Variants in TMEM132D observed in about 807,000 individuals in gnomAD.
TMEM132D encodes the protein mature OL transmembrane protein.
TMEM132D carries 21 observed loss-of-function variants against 62.3 expected under a neutral mutation model. The ratio of observed to expected loss-of-function variants is 0.34; its 90% CI spans 0.24 to 0.49. The LOEUF (loss-of-function observed/expected upper bound fraction) is 0.49, where lower values mean the gene tolerates loss of function less well. TMEM132D is among the 20% of genes least tolerant of loss of function. The probability of loss-of-function intolerance (pLI) is 0.99; values close to 1 mark genes in which losing one functional copy is unlikely to be tolerated. For synonymous variants in TMEM132D, 621 were observed against 575.6 expected (o/e 1.08, Z -1.13); for missense variants, 1,346 against 1,402.8 (o/e 0.96, Z 0.65).
At chr12:129,164,866 C>T (rs1418770852) in intron 5 of TMEM132D, among the ~76,000 whole-genome samples, 2 of 152,186 alleles carry the variant, frequency 1.3e-5, no homozygotes, top group Non-Finnish European at 2.9e-5. Context: ...CTAAACATAT[C>T]ACCAACCTAT....
intron 3 of TMEM132D, among the ~76,000 whole-genome samples, chr12:129,446,336 T>A (rs999332642): frequency 3.3e-5 from 5 of 152,180 alleles, no homozygotes; most frequent in African/African-American, 1.2e-4. Flanking sequence ...AGAATATTGA[T>A]GTCAGGCTTT....
chr12:129,717,532 T>C (rs1868634833), intron 1 of TMEM132D, among the ~76,000 whole-genome samples: 2 of 149,646 alleles, frequency 1.3e-5, no homozygotes, highest in Non-Finnish European at 3.0e-5. Context: ...AATAAAATCA[T>C]ATTTTGATAA....
intron 4 of TMEM132D, among the ~76,000 whole-genome samples, chr12:129,289,659 T>C (rs1881398976): frequency 6.6e-6 from 1 of 151,440 alleles, no homozygotes; most frequent in Non-Finnish European, 1.5e-5. Flanking sequence ...TTGACTTCAA[T>C]CACAAAAAAA....
intron 5 of TMEM132D, among the ~76,000 whole-genome samples, chr12:129,130,916 G>A (rs554636054): frequency 2.0e-5 from 3 of 152,244 alleles, no homozygotes; most frequent in Admixed American, 2.0e-4. Flanking sequence ...GGATTGTCTG[G>A]GGAGCTTTAA....
At chr12:129,743,031 G>C (rs1490081729) in intron 1 of TMEM132D, among the ~76,000 whole-genome samples, 1 of 152,234 alleles carries the variant, frequency 6.6e-6, no homozygotes, top group African/African-American at 2.4e-5. Context: ...CTCAGGGAAA[G>C]TTTTTAGAAA....
chr12:129,184,007 G>A (rs922759919), intron 5 of TMEM132D, among the ~76,000 whole-genome samples: 1 of 152,148 alleles, frequency 6.6e-6, no homozygotes, highest in African/African-American at 2.4e-5. Flanking sequence ...CTTTCAGAAG[G>A]GGCAAATCTT....
chr12:129,524,393 T>C (rs2137083636), intron 3 of TMEM132D, among the ~76,000 whole-genome samples: 1 of 152,340 alleles, frequency 6.6e-6, no homozygotes, highest in Non-Finnish European at 1.5e-5. Context: ...TACATGCTAC[T>C]ATTCAAGATT....
chr12:129,569,292 C>T (rs1877449359), intron 2 of TMEM132D, among the ~76,000 whole-genome samples: 1 of 152,098 alleles, frequency 6.6e-6, no homozygotes, highest in Non-Finnish European at 1.5e-5. Context: ...CTCAGGGCAA[C>T]CAGTAGCTGG....
Position 129,873,342 on chromosome 12 carries a change from T to G in TMEM132D, c.79+29919A>C, listed in dbSNP as rs139424542. ...AGAGTGTGTGCCAAGGGGAGAAAGCTGTTGGGATTGTCATTATCACACCAT... is the reference window on the plus strand; with the variant it reads ...AGAGTGTGTGCCAAGGGGAGAAAGCGGTTGGGATTGTCATTATCACACCAT... On this transcript the variant is annotated intron_variant, in intron 1 of 8. Transcript: ENST00000422113. 1.6e-4 allele frequency among the ~76,000 whole-genome samples: 24 copies of G among 152,146 alleles called. No homozygotes were observed. In the East Asian group the frequency reaches 4.3e-3, roughly 27 times the overall value.
intron 5 of TMEM132D, among the ~76,000 whole-genome samples, chr12:129,148,528 G>C (rs546578177): frequency 1.3e-5 from 2 of 152,150 alleles, no homozygotes; most frequent in Non-Finnish European, 2.9e-5. Flanking sequence ...GCTGGGAAAG[G>C]TTAGGGACAG....
In TMEM132D at chr12:129,733,785, C is replaced by T. The variant is rs139541559; in HGVS notation, c.80-33087G>A. Among the ~76,000 whole-genome samples, 1,251 of 152,150 alleles carry T rather than the reference C, an allele frequency of 8.2e-3. 14 individuals are homozygous for T. Among genetic ancestry groups the T allele is most frequent in the African/African-American group, 0.029 (1,207 of 41,510 alleles). On this transcript the variant is annotated intron_variant, in intron 1 of 8. Coordinates refer to ENST00000422113, the MANE Select transcript of TMEM132D (RefSeq NM_133448.3). ...GGACGCTGCCCTGGACCGGCACAGT[C>T]GCTGGGCAGGTGATGAGGAAGGGCC...
At chr12:129,295,648 T>A (rs1881556764) in intron 4 of TMEM132D, among the ~76,000 whole-genome samples, 1 of 151,760 alleles carries the variant, frequency 6.6e-6, no homozygotes, top group South Asian at 2.1e-4. Context: ...ACTCACACAC[T>A]CTCACACATA....
chr12:129,531,156 G>A lies in TMEM132D; in HGVS notation c.1018C>T (p.Pro340Ser), dbSNP rs776963282. The A allele has an allele frequency of 3.7e-6, 6 of 1,613,548 alleles. No homozygotes were observed. The highest frequency in any genetic ancestry group is 1.3e-5 in the African/African-American group (1 of 74,878). Residue 340 changes from proline to serine, a missense_variant, in exon 3 of 9, where the codon CCT becomes TCT. By Grantham distance (74) the Pro-to-Ser change is moderately conservative. Coordinates refer to ENST00000422113, the MANE Select transcript of TMEM132D (RefSeq NM_133448.3). ...VNIIGVRASS[P>S]SIWDVKERTD... Reference sequence around the variant, plus strand: ...CGCTCCTTGACATCCCAAATGGAAGGGCTGCTGGCTCGCACGCCGATGATG... The same window carrying A: ...CGCTCCTTGACATCCCAAATGGAAGAGCTGCTGGCTCGCACGCCGATGATG...
intron 5 of TMEM132D, among the ~76,000 whole-genome samples, chr12:129,168,451 T>C (rs1877625875): frequency 6.6e-6 from 1 of 152,188 alleles, no homozygotes; most frequent in African/African-American, 2.4e-5. Context: ...CCAGCCCCTG[T>C]GGACCCCTAA....
intron 4 of TMEM132D, chr12:129,209,906 G>T (rs972965388): frequency 3.8e-6 from 2 of 522,738 alleles, no homozygotes; most frequent in Non-Finnish European, 6.8e-6. Flanking sequence ...AAAAGGTGGC[G>T]GAGGAAATTT....
intron 5 of TMEM132D, among the ~76,000 whole-genome samples, chr12:129,126,071 G>A (rs1565972316): frequency 6.6e-6 from 1 of 152,198 alleles, no homozygotes; most frequent in African/African-American, 2.4e-5. Context: ...GGGATTGCAT[G>A]TGCTCAGATG....
chr12:129,700,526 A>G lies in TMEM132D; in HGVS notation c.252T>C (p.Ile84=), dbSNP rs1435626204. The change falls in exon 2 of 9, where the codon ATT becomes ATC. Residue 84 remains isoleucine (I), a synonymous_variant. Transcript: ENST00000422113. The part of the protein sequence containing the change: ...SLQSRVESFL[I]YKSRRLPVLN... ...GGACAGGCAGCCTCCTGGATTTGTAAATCAGAAATGACTCCACCCGGGACT... is the reference window on the plus strand; with the variant it reads ...GGACAGGCAGCCTCCTGGATTTGTAGATCAGAAATGACTCCACCCGGGACT... 1.2e-6 allele frequency: 2 copies of G among 1,614,084 alleles called. No individual in the cohort carries two copies. The highest frequency in any genetic ancestry group is 3.3e-5 in the Admixed American group (2 of 60,022).
chr12:129,313,208 G>A (rs973116610), intron 4 of TMEM132D, among the ~76,000 whole-genome samples: 1 of 152,074 alleles, frequency 6.6e-6, no homozygotes, highest in Non-Finnish European at 1.5e-5. Flanking sequence ...GGTACATGGG[G>A]TATTTGGTTA....
chr12:129,333,264 T>C (rs1869168467), intron 4 of TMEM132D, among the ~76,000 whole-genome samples: 1 of 152,266 alleles, frequency 6.6e-6, no homozygotes, highest in Admixed American at 6.5e-5. Context: ...TTAAGCTTTC[T>C]GGAAGGCAGT....
Sources: allele counts gnomAD v4.1 joint callset (sites outside exome capture counted in the v4.1 genomes callset), GRCh38; gene constraint gnomAD v4.1.1; transcripts MANE v1.5; gene names NCBI Gene and HGNC (gene_info 2026-07-23, HGNC 2026-07-21).